The following ARB2A variants were observed in gnomAD, a reference collection of about 807,000 sequenced individuals.
ARB2A encodes the protein ARB2 cotranscriptional regulator A.
the ARB2A span, among the ~76,000 whole-genome samples, chr5:93,883,941 A>G: frequency 6.6e-6 from 1 of 150,782 alleles, no homozygotes; most frequent in Admixed American, 6.7e-5. Context: ...ACACACACAC[A>G]CACACACACA....
chr5:93,886,519 C>T, the ARB2A span, among the ~76,000 whole-genome samples: 1 of 151,698 alleles, frequency 6.6e-6, no homozygotes, highest in South Asian at 2.1e-4. Flanking sequence ...AACCACTGTC[C>T]ATTCATCTTT....
At chr5:94,007,039 C>T in the ARB2A span, among the ~76,000 whole-genome samples, 1 of 152,116 alleles carries the variant, frequency 6.6e-6, no homozygotes, top group African/African-American at 2.4e-5. Flanking sequence ...CTGATTGCAT[C>T]TCTAACAAAT....
At chr5:93,881,381 T>C in the ARB2A span, 1 of 961,348 alleles carries the variant, frequency 1.0e-6, no homozygotes, top group African/African-American at 1.7e-5. Context: ...AAAAAATTAA[T>C]ATTCTTGAAG....
At chr5:93,852,323 T>C in the ARB2A span, among the ~76,000 whole-genome samples, 1 of 152,214 alleles carries the variant, frequency 6.6e-6, no homozygotes, top group Non-Finnish European at 1.5e-5. Flanking sequence ...CTTGTAAATT[T>C]GTTGGAGTTC....
chr5:93,851,158 C>T, the ARB2A span, among the ~76,000 whole-genome samples: 5 of 152,156 alleles, frequency 3.3e-5, no homozygotes, highest in East Asian at 9.7e-4. Context: ...TATTCCTTTT[C>T]CTTTATTAAA....
the ARB2A span, among the ~76,000 whole-genome samples, chr5:93,640,064 CAAAA>C: frequency 1.5e-4 from 9 of 59,262 alleles, no homozygotes; most frequent in South Asian, 3.7e-3. Context: ...ACTCTGTCTC[CAAAA>C]AAAAAAAAAA....
At chr5:93,638,621 T>G in the ARB2A span, among the ~76,000 whole-genome samples, 5 of 151,226 alleles carry the variant, frequency 3.3e-5, no homozygotes, top group East Asian at 9.7e-4. Flanking sequence ...GAGACCAGCC[T>G]GACCAACATG....
the ARB2A span, among the ~76,000 whole-genome samples, chr5:93,646,559 G>T: frequency 1.3e-5 from 2 of 151,794 alleles, no homozygotes; most frequent in Admixed American, 6.6e-5. Context: ...GCTCTTTTCA[G>T]CCAATATTTT....
chr5:94,078,588 C>A, the ARB2A span, among the ~76,000 whole-genome samples: 401 of 152,074 alleles, frequency 2.6e-3, 2 homozygotes, highest in African/African-American at 9.5e-3. Context: ...AATAAGGGCC[C>A]CTGGTGCGTA....
chr5:93,853,523 C>T, the ARB2A span, among the ~76,000 whole-genome samples: 1 of 152,122 alleles, frequency 6.6e-6, no homozygotes, highest in Admixed American at 6.5e-5. Context: ...AGAGGGCATC[C>T]CTGTCTTGTG....
At chr5:93,877,496 T>C in the ARB2A span, among the ~76,000 whole-genome samples, 2 of 152,220 alleles carry the variant, frequency 1.3e-5, no homozygotes, top group East Asian at 3.9e-4. Context: ...TGCTCTGTAC[T>C]AATGCAAAAA....
At chr5:93,764,495 C>T in the ARB2A span, among the ~76,000 whole-genome samples, 4 of 152,082 alleles carry the variant, frequency 2.6e-5, no homozygotes, top group African/African-American at 9.7e-5. Context: ...CAAGAATAAA[C>T]CAGGAAGAAG....
At chr5:94,052,126 A>T in the ARB2A span, among the ~76,000 whole-genome samples, 2 of 152,098 alleles carry the variant, frequency 1.3e-5, no homozygotes, top group African/African-American at 4.8e-5. Context: ...TGGCCAGTCT[A>T]ATTTATTAAA....
the ARB2A span, among the ~76,000 whole-genome samples, chr5:93,768,495 A>T: frequency 6.7e-6 from 1 of 150,082 alleles, no homozygotes; most frequent in Admixed American, 6.7e-5. Context: ...ATAAAAGTAT[A>T]CGCTATATAT....
At chr5:93,740,382 A>G in the ARB2A span, 1 of 582,212 alleles carries the variant, frequency 1.7e-6, no homozygotes, top group Non-Finnish European at 3.0e-6. Flanking sequence ...ACAAAACTGC[A>G]ATAAACTTCA....
At chr5:93,770,983 C>A in the ARB2A span, among the ~76,000 whole-genome samples, 324 of 152,166 alleles carry the variant, frequency 2.1e-3, no homozygotes, top group Non-Finnish European at 3.7e-3. Context: ...CAAAAAAGAG[C>A]CCACATCGCC....
chr5:93,753,764 A>C, the ARB2A span, among the ~76,000 whole-genome samples: 8 of 152,226 alleles, frequency 5.3e-5, no homozygotes, highest in African/African-American at 1.9e-4. Context: ...AAGCTATAGT[A>C]GGGGCAAGGA....
chr5:93,656,100 T>TTGAC, the ARB2A span, among the ~76,000 whole-genome samples: 2 of 152,196 alleles, frequency 1.3e-5, no homozygotes, highest in African/African-American at 2.4e-5. Context: ...TAAACATTTG[T>TTGAC]TGACTGACTG....
At chr5:93,657,147 T>C in the ARB2A span, among the ~76,000 whole-genome samples, 1 of 152,204 alleles carries the variant, frequency 6.6e-6, no homozygotes, top group African/African-American at 2.4e-5. Context: ...ATAAAGACGA[T>C]GGCCTCTCTC....
Sources: allele counts gnomAD v4.1 joint callset (sites outside exome capture counted in the v4.1 genomes callset), GRCh38; gene constraint gnomAD v4.1.1; transcripts MANE v1.5; gene names NCBI Gene and HGNC (gene_info 2026-07-23, HGNC 2026-07-21).